CALN1: variants seen among roughly 807,000 people sequenced by gnomAD.
CALN1 encodes calneuron 1.
Under a neutral mutation model 30.6 loss-of-function variants are expected in CALN1, and 17 were observed. The ratio of observed to expected loss-of-function variants is 0.56; its 90% CI spans 0.38 to 0.83. The LOEUF (loss-of-function observed/expected upper bound fraction) is 0.83. Ranked by LOEUF, CALN1 falls within the 40% of genes least tolerant of loss-of-function variation. The pLI, the probability that CALN1 is intolerant of heterozygous loss-of-function variation, is 0.00. For missense variants in CALN1, 291 were observed against 354.9 expected (o/e 0.82, Z 1.45); for synonymous variants, 156 against 131.4 (o/e 1.19, Z -1.28).
chr7:72,462,175 TATG>T, the CALN1 span, among the ~76,000 whole-genome samples: 2 of 150,584 alleles, frequency 1.3e-5, no homozygotes, highest in East Asian at 1.9e-4. Context: ...TGTATGTATG[TATG>T]TATTTATTTA....
In CALN1 at chr7:72,356,296, T is replaced by C. The variant is rs553730131; in HGVS notation, c.119+46955A>G. On this transcript the variant is annotated intron_variant, in intron 2 of 6. Transcript: ENST00000395275. Reference sequence around the variant, plus strand: ...TGTAGGTAAATCTGAATAACTATTGTATTTTAATCTAATAATAATAAATGC... The same window carrying C: ...TGTAGGTAAATCTGAATAACTATTGCATTTTAATCTAATAATAATAAATGC... 3.3e-5 allele frequency among the ~76,000 whole-genome samples: 5 copies of C among 150,388 alleles called. No homozygotes were observed. In the East Asian group the frequency reaches 9.6e-4, roughly 29 times the overall value.
At chr7:72,157,727 TAGTC>T (rs1350003090) in intron 3 of CALN1, among the ~76,000 whole-genome samples, 41 of 152,044 alleles carry the variant, frequency 2.7e-4, no homozygotes, top group African/African-American at 6.0e-4. Context: ...ATTTGAAAGT[TAGTC>T]AGTTAGTTTG....
At chr7:72,103,246 G>T in intron 4 of CALN1, 1 of 168,378 alleles carries the variant, frequency 5.9e-6, no homozygotes, top group South Asian at 1.5e-4. Context: ...CAATCACCTG[G>T]ATATTGAGAC....
At chr7:72,398,149 G>C (rs1030040046) in intron 2 of CALN1, among the ~76,000 whole-genome samples, 3 of 152,182 alleles carry the variant, frequency 2.0e-5, no homozygotes, top group African/African-American at 7.2e-5. Context: ...GAGGAGTCCA[G>C]CTGATGATTC....
chr7:72,145,277 G>A (rs1786614543), intron 3 of CALN1, among the ~76,000 whole-genome samples: 1 of 152,060 alleles, frequency 6.6e-6, no homozygotes, highest in South Asian at 2.1e-4. Flanking sequence ...AATAAAAAAA[G>A]ATAAAGGGGA....
intron 3 of CALN1, among the ~76,000 whole-genome samples, chr7:72,141,930 C>A (rs1235119474): frequency 2.6e-5 from 4 of 152,166 alleles, no homozygotes; most frequent in African/African-American, 4.8e-5. Flanking sequence ...TACACCTGCA[C>A]AGTGATCTGT....
intron 5 of CALN1, among the ~76,000 whole-genome samples, chr7:71,975,556 A>G (rs1042062628): frequency 6.6e-6 from 1 of 152,006 alleles, no homozygotes. Flanking sequence ...CCTCCACAGT[A>G]GCTGGGACTA....
intron 2 of CALN1, chr7:72,336,637 A>T: frequency 1.0e-6 from 1 of 955,988 alleles, no homozygotes; most frequent in South Asian, 4.8e-5. Context: ...GAGAGAAGCG[A>T]GGACCGAGGG....
chr7:71,904,616 C>G (rs185513527), intron 5 of CALN1, among the ~76,000 whole-genome samples: 1 of 152,134 alleles, frequency 6.6e-6, no homozygotes, highest in East Asian at 1.9e-4. Flanking sequence ...GAGAAATAAA[C>G]TCAAGAGCTC....
At chr7:72,422,523 C>T (rs939993974) in intron 1 of CALN1, among the ~76,000 whole-genome samples, 2 of 152,188 alleles carry the variant, frequency 1.3e-5, no homozygotes, top group Non-Finnish European at 2.9e-5. Context: ...CCATCCTCTG[C>T]AGAGGGGAGG....
rs12673534 is a variant in CALN1 at position 72,178,516 on chromosome 7, C to T, written c.245-72222G>A. Among the ~76,000 whole-genome samples, 283 of 152,106 alleles carry T rather than the reference C, an allele frequency of 1.9e-3. 5 individuals carry two copies. The East Asian group carries it at 0.025, about 14-fold the overall frequency. ...GACCAGCCTGACCAACATGGTGAAA[C>T]CCTCTTTACTGAAAAGACAAAAATT... is the stretch of plus-strand genomic sequence containing the variant. On this transcript the variant is annotated intron_variant, in intron 3 of 6. Transcript: ENST00000395275.
At chr7:72,067,175 C>T (rs945958322) in intron 4 of CALN1, among the ~76,000 whole-genome samples, 7 of 152,134 alleles carry the variant, frequency 4.6e-5, no homozygotes, top group African/African-American at 1.2e-4. Flanking sequence ...GGTCAAGTGA[C>T]GCAGAGATGG....
At chr7:72,386,117 G>C (rs1219729630) in intron 2 of CALN1, among the ~76,000 whole-genome samples, 1 of 152,218 alleles carries the variant, frequency 6.6e-6, no homozygotes, top group Non-Finnish European at 1.5e-5. Flanking sequence ...AGGTGGAGCA[G>C]AGGCATTTTT....
intron 3 of CALN1, among the ~76,000 whole-genome samples, chr7:72,245,485 G>A (rs1299389659): frequency 6.6e-6 from 1 of 152,066 alleles, no homozygotes; most frequent in African/African-American, 2.4e-5. Flanking sequence ...CGGGCATGGT[G>A]GTGGGCACCT....
At chr7:72,198,182 G>A (rs1284024269) in intron 3 of CALN1, among the ~76,000 whole-genome samples, 2 of 152,172 alleles carry the variant, frequency 1.3e-5, no homozygotes, top group South Asian at 2.1e-4. Context: ...AGAGGAGGAA[G>A]AATTTGTCTG....
At chr7:71,878,703 G>A (rs1196624456) in intron 5 of CALN1, among the ~76,000 whole-genome samples, 1 of 152,216 alleles carries the variant, frequency 6.6e-6, no homozygotes, top group Non-Finnish European at 1.5e-5. Context: ...CCCATGAAAT[G>A]TGAGAAAGAG....
At chr7:71,923,027 T>TATTCTATA (rs138129976) in intron 5 of CALN1, among the ~76,000 whole-genome samples, 692 of 149,706 alleles carry the variant, frequency 4.6e-3, no homozygotes, top group Non-Finnish European at 7.1e-3. Context: ...ACTATACTAT[T>TATTCTATA]CTATACTATA....
upstream of CALN1, among the ~76,000 whole-genome samples, chr7:72,447,437 C>T (rs1808563655): frequency 6.6e-6 from 1 of 152,088 alleles, no homozygotes; most frequent in Non-Finnish European, 1.5e-5. Context: ...GCACTGCCTA[C>T]CCTAGGAAGT....
At chr7:72,021,932 G>T (rs1028500446) in intron 5 of CALN1, among the ~76,000 whole-genome samples, 1 of 152,090 alleles carries the variant, frequency 6.6e-6, no homozygotes, top group Non-Finnish European at 1.5e-5. Flanking sequence ...GCCAATAACA[G>T]CAAGTTGGGA....
Sources: allele counts gnomAD v4.1 joint callset (sites outside exome capture counted in the v4.1 genomes callset), GRCh38; gene constraint gnomAD v4.1.1; transcripts MANE v1.5; gene names NCBI Gene and HGNC (gene_info 2026-07-23, HGNC 2026-07-21).